Variants in RPH3A observed in about 807,000 individuals in gnomAD.
RPH3A encodes rabphilin-3A.
RPH3A carries 48 observed loss-of-function variants against 102.2 expected under a neutral mutation model. The ratio of observed to expected loss-of-function variants is 0.47; its 90% CI spans 0.37 to 0.60. The LOEUF (loss-of-function observed/expected upper bound fraction) is 0.60, where lower values mean the gene tolerates loss of function less well. Among genes scored for constraint, RPH3A ranks in the 20% least tolerant of loss-of-function variants. The pLI is 0.00. For missense variants in RPH3A, 781 were observed against 910.1 expected (o/e 0.86, Z 1.83); for synonymous variants, 310 against 324.3 (o/e 0.96, Z 0.47).
chr12:112,617,365 T>C (rs1387559112), intron 1 of RPH3A, among the ~76,000 whole-genome samples: 1 of 152,128 alleles, frequency 6.6e-6, no homozygotes, highest in Non-Finnish European at 1.5e-5. Context: ...TGGCCACCCT[T>C]GTCATTTAGC....
At chr12:112,775,202 C>T (rs1238647749) in intron 1 of RPH3A, among the ~76,000 whole-genome samples, 3 of 151,578 alleles carry the variant, frequency 2.0e-5, no homozygotes. Flanking sequence ...GCACATGTAC[C>T]CCAGAACTAA....
chr12:112,750,803 C>T (rs2136060510), intron 1 of RPH3A, among the ~76,000 whole-genome samples: 1 of 152,244 alleles, frequency 6.6e-6, no homozygotes, highest in African/African-American at 2.4e-5. Context: ...GTTATGGGTT[C>T]AGGGGGAGCA....
chr12:112,830,765 A>G (rs1315646111), intron 3 of RPH3A, among the ~76,000 whole-genome samples: 1 of 151,872 alleles, frequency 6.6e-6, no homozygotes, highest in Admixed American at 6.6e-5. Context: ...CCCTTTTGTG[A>G]TATTAAAAAA....
At chr12:112,717,831 T>C (rs1014159139) in intron 1 of RPH3A, among the ~76,000 whole-genome samples, 2 of 151,804 alleles carry the variant, frequency 1.3e-5, no homozygotes, top group Admixed American at 1.3e-4. Context: ...CCATGGTGGG[T>C]GTACCATTTG....
At chr12:112,836,396 C>T (rs1353618781) in intron 3 of RPH3A, 95 bp from the exon 4 acceptor site, 8 of 608,860 alleles carry the variant, frequency 1.3e-5, no homozygotes, top group South Asian at 2.8e-5. Flanking sequence ...ATTCAAGCTA[C>T]GTGAGTGTTG....
At chr12:112,824,224 C>A (rs2041829287) in intron 2 of RPH3A, among the ~76,000 whole-genome samples, 1 of 152,228 alleles carries the variant, frequency 6.6e-6, no homozygotes, top group African/African-American at 2.4e-5. Context: ...GATGGCAGCA[C>A]ACAGCCGTCT....
At chr12:112,651,472 A>G (rs886997577) in intron 1 of RPH3A, among the ~76,000 whole-genome samples, 2 of 152,158 alleles carry the variant, frequency 1.3e-5, no homozygotes, top group African/African-American at 2.4e-5. Flanking sequence ...TAAAAACTTC[A>G]TTATATTATC....
At chr12:112,622,714 A>T (rs2039740236) in intron 1 of RPH3A, among the ~76,000 whole-genome samples, 1 of 150,292 alleles carries the variant, frequency 6.7e-6, no homozygotes, top group African/African-American at 2.4e-5. Flanking sequence ...AGAATGCCAC[A>T]AAGATACTCC....
At chr12:112,651,546 C>T (rs1245427577) in intron 1 of RPH3A, among the ~76,000 whole-genome samples, 4 of 152,134 alleles carry the variant, frequency 2.6e-5, no homozygotes, top group African/African-American at 4.8e-5. Context: ...ACTTCAAATG[C>T]CGTGGAATAC....
intron 1 of RPH3A, among the ~76,000 whole-genome samples, chr12:112,754,120 C>T (rs973776098): frequency 7.2e-5 from 11 of 152,176 alleles, no homozygotes; most frequent in African/African-American, 7.2e-5. Flanking sequence ...TAAGATAATA[C>T]ATCTGTGTTG....
chr12:112,670,034 C>T (rs1303073949), intron 1 of RPH3A, among the ~76,000 whole-genome samples: 1 of 152,138 alleles, frequency 6.6e-6, no homozygotes, highest in African/African-American at 2.4e-5. Flanking sequence ...ACATGCACAA[C>T]TATTTCTGTA....
chr12:112,643,241 C>T (rs761912560), intron 1 of RPH3A, among the ~76,000 whole-genome samples: 1 of 152,100 alleles, frequency 6.6e-6, no homozygotes, highest in Non-Finnish European at 1.5e-5. Flanking sequence ...CTTGGATTAC[C>T]CACCTGTGAT....
At chr12:112,605,511 G>A (rs751545384) in intron 1 of RPH3A, among the ~76,000 whole-genome samples, 14 of 152,202 alleles carry the variant, frequency 9.2e-5, no homozygotes, top group Non-Finnish European at 1.2e-4. Context: ...ACAACTTATG[G>A]GTGGTGGAGG....
intron 1 of RPH3A, among the ~76,000 whole-genome samples, chr12:112,674,968 G>A (rs2040163481): frequency 6.6e-6 from 1 of 152,166 alleles, no homozygotes; most frequent in African/African-American, 2.4e-5. Flanking sequence ...TAGACTAAAG[G>A]ATTCTGACGA....
intron 1 of RPH3A, among the ~76,000 whole-genome samples, chr12:112,610,955 A>G (rs931891168): frequency 4.6e-5 from 7 of 152,152 alleles, no homozygotes; most frequent in Non-Finnish European, 1.5e-5. Context: ...TATTTTATGC[A>G]TTTACTTTCT....
At chr12:112,827,538 G>A (rs531626736) in intron 2 of RPH3A, among the ~76,000 whole-genome samples, 13 of 152,330 alleles carry the variant, frequency 8.5e-5, no homozygotes, top group Middle Eastern at 6.8e-3. Context: ...AGACCAAGGA[G>A]GAGTCAATTG....
At chr12:112,663,755 T>C (rs1167963111) in intron 1 of RPH3A, among the ~76,000 whole-genome samples, 1 of 152,182 alleles carries the variant, frequency 6.6e-6, no homozygotes, top group African/African-American at 2.4e-5. Context: ...CCCCAGCATG[T>C]TGGCCTCATT....
intron 1 of RPH3A, among the ~76,000 whole-genome samples, chr12:112,723,957 G>A (rs2040569036): frequency 6.6e-6 from 1 of 151,494 alleles, no homozygotes; most frequent in African/African-American, 2.4e-5. Context: ...TAATGGATTT[G>A]TGTATATTTT....
intron 1 of RPH3A, among the ~76,000 whole-genome samples, chr12:112,576,282 T>C (rs188464315): frequency 6.8e-4 from 103 of 152,338 alleles, no homozygotes; most frequent in African/African-American, 2.4e-3. Context: ...CCAGGAGCGC[T>C]GCCAGGCAGG....
Sources: gnomAD v4.1 joint callset for allele counts (sites outside exome capture counted in the v4.1 genomes callset) on GRCh38, gnomAD v4.1.1 for gene constraint, MANE v1.5 for transcripts, NCBI Gene and HGNC (gene_info 2026-07-23, HGNC 2026-07-21) for gene names.